Variants in DDX5 observed in about 807,000 individuals in gnomAD.
DDX5 encodes the protein DEAD-box helicase 5.
DDX5 carries 6 observed loss-of-function variants against 68.6 expected under a neutral mutation model. The observed-to-expected ratio is 0.09, with a 90% CI of 0.05 to 0.17. The LOEUF (loss-of-function observed/expected upper bound fraction) is 0.17, where lower values mean the gene tolerates loss of function less well. Ranked by LOEUF, DDX5 falls within the 10% of genes least tolerant of loss-of-function variation. The probability of loss-of-function intolerance (pLI) is 1.00; values close to 1 mark genes in which losing one functional copy is unlikely to be tolerated. For synonymous variants in DDX5, 350 were observed against 247.0 expected (o/e 1.42, Z -3.91); for missense variants, 499 against 756.1 (o/e 0.66, Z 3.99).
At chr17:64,501,855 C>T in intron 11 of DDX5, 155 bp downstream of exon 11, 4 of 703,592 alleles carry the variant, frequency 5.7e-6, no homozygotes, top group South Asian at 5.6e-5. Flanking sequence ...TCGAGTCCTC[C>T]GATTGTCATG....
In DDX5 at chr17:64,499,678, CA is replaced by C. The variant is rs2038246679; in HGVS notation, c.*244del. ...TGCATTGCCTTCATTTATTGTATTT[CA>C]AATCACTGTACATTTACTTTTGTGA... On this transcript the variant is annotated 3_prime_UTR_variant, in exon 13 of 13. Transcript: ENST00000225792. The C allele has an allele frequency of 2.6e-6, 1 of 389,950 alleles. No individual in the cohort carries two copies. The highest frequency in any genetic ancestry group is 2.1e-5 in the African/African-American group (1 of 48,664). The allele number at this position is 389,950 out of a possible 1,614,324, so 24.2% of individuals were successfully genotyped here.
Position 64,499,910 on chromosome 17 carries a change from T to C in DDX5, c.*13A>G, listed in dbSNP as rs782492823. 5 of 1,553,526 alleles carry C rather than the reference T, an allele frequency of 3.2e-6. No individual in the cohort carries two copies. The highest frequency in any genetic ancestry group is 4.4e-6 in the Non-Finnish European group (5 of 1,149,118). ...ATTATGAAAAACAGACATTTACATATACTTCTAAAGTCTTATTGGGAATAT... is the reference window on the plus strand; with the variant it reads ...ATTATGAAAAACAGACATTTACATACACTTCTAAAGTCTTATTGGGAATAT... On this transcript the variant is annotated 3_prime_UTR_variant, in exon 13 of 13. Coordinates refer to ENST00000225792, the MANE Select transcript of DDX5 (RefSeq NM_004396.5).
chr17:64,501,734 C>T (rs782145583), intron 11 of DDX5: 11 of 493,400 alleles, frequency 2.2e-5, no homozygotes, highest in Admixed American at 2.1e-4. Flanking sequence ...GAACAGTTTA[C>T]GGGGCAGAGG....
At chr17:64,500,367 G>A in intron 12 of DDX5, 41 bp from the exon 13 acceptor site, 2 of 1,570,980 alleles carry the variant, frequency 1.3e-6, no homozygotes, top group Non-Finnish European at 1.7e-6. Context: ...TTATGTCTAT[G>A]ACACAAATCA....
At chr17:64,504,995 T>TCCTTCC (rs200661700) in intron 1 of DDX5, 153 bp from the exon 2 acceptor site, 6 of 615,792 alleles carry the variant, frequency 9.7e-6, no homozygotes, top group Non-Finnish European at 1.3e-5. Context: ...TCTCTCTCTC[T>TCCTTCC]CAACAGCCAC....
intron 10 of DDX5, 45 bp downstream of exon 10, chr17:64,502,117 G>A (rs377434810): frequency 2.0e-4 from 330 of 1,613,436 alleles, no homozygotes; most frequent in Admixed American, 3.3e-4. Flanking sequence ...CAGAATTCTA[G>A]CTAGGTTAAG....
At chr17:64,506,581 C>G, upstream of DDX5, 1 of 413,692 alleles carries the variant, frequency 2.4e-6, no homozygotes, top group Non-Finnish European at 4.4e-6. Context: ...CCCGCCCACC[C>G]TCGCCACTCG....
chr17:64,499,546 CAAAAAA>C lies in DDX5; in HGVS notation c.*371_*376del, dbSNP rs77689435. 1 of 200,822 alleles carries C rather than the reference CAAAAAA, an allele frequency of 5.0e-6. No homozygotes were observed. The highest frequency in any genetic ancestry group is 2.4e-5 in the African/African-American group (1 of 42,044). The allele number at this position is 200,822 out of a possible 1,614,324, so 12.4% of individuals were successfully genotyped here. On this transcript the variant is annotated 3_prime_UTR_variant, in exon 13 of 13. Coordinates refer to ENST00000225792, the MANE Select transcript of DDX5 (RefSeq NM_004396.5). Reference sequence around the variant, plus strand: ...ATGGAAAAAAAAAACCAAACAAAAACAAAAAAAAAACCAGACCATCTTAAGCAAAGT... The same window carrying C: ...ATGGAAAAAAAAAACCAAACAAAAACAAAACCAGACCATCTTAAGCAAAGT...
In DDX5 at chr17:64,500,238, G is replaced by A. The variant is rs2144247751; in HGVS notation, c.1530C>T (p.Asp510=). 6.2e-7 allele frequency: 1 copy of A among 1,614,086 alleles called. No individual in the cohort carries two copies. Among genetic ancestry groups the A allele is most frequent in the Non-Finnish European group, 8.5e-7 (1 of 1,180,012 alleles). ...AGTAACCTCTGTCATAATTTTCCCT[G>A]TCTCTAAAGGTATTAAATCCACCCC... is the stretch of plus-strand genomic sequence containing the variant. ...GKRGGFNTFR[D]RENYDRGYSS... Residue 510 remains aspartate (D), a synonymous_variant, in exon 13 of 13, where the codon GAC becomes GAT. Coordinates refer to ENST00000225792, the MANE Select transcript of DDX5 (RefSeq NM_004396.5).
chr17:64,504,191 CGG>C (rs782649475), intron 3 of DDX5, 29 bp downstream of exon 3: 1 of 1,612,294 alleles, frequency 6.2e-7, no homozygotes, highest in East Asian at 2.2e-5. Flanking sequence ...AACAAAAACA[CGG>C]GTAGGTAGAA....
rs1555671770 is a variant in DDX5 at position 64,504,650 on chromosome 17, C to T, written c.210+27G>A. 6 of 1,583,248 alleles carry T rather than the reference C, an allele frequency of 3.8e-6. No homozygotes were observed. In the Admixed American group the frequency reaches 9.6e-5, roughly 25 times the overall value. ...CTAGAATCCACGATCGAGTTACAGC[C>T]TGATGAAGCCACATGAATTTACTCA... is the stretch of plus-strand genomic sequence containing the variant. On this transcript the variant is annotated intron_variant, in intron 2 of 12. Coordinates refer to ENST00000225792, the MANE Select transcript of DDX5 (RefSeq NM_004396.5).
chr17:64,501,907 A>C, intron 11 of DDX5, 103 bp downstream of exon 11: 3 of 1,256,042 alleles, frequency 2.4e-6, no homozygotes, highest in Non-Finnish European at 3.4e-6. Context: ...TGTGAAAAAA[A>C]ACTTAGAAAA....
chr17:64,502,828 C>G (rs1480472041), intron 8 of DDX5, 98 bp downstream of exon 8: 5 of 1,237,396 alleles, frequency 4.0e-6, no homozygotes, highest in South Asian at 3.1e-5. Context: ...TGAAATCACA[C>G]CAACTGAAAT....
intron 1 of DDX5, chr17:64,505,696 C>A (rs1555672189): frequency 6.6e-7 from 1 of 1,521,054 alleles, no homozygotes; most frequent in Admixed American, 2.0e-5. Context: ...GGTCCCCTCG[C>A]TCCCACAGAA....
chr17:64,503,384 A>G (rs2038345761), intron 6 of DDX5, 36 bp from the exon 7 acceptor site: 1 of 1,614,024 alleles, frequency 6.2e-7, no homozygotes. Flanking sequence ...TACAATACCT[A>G]GGATATTTAG....
chr17:64,500,821 ACAC>A, intron 11 of DDX5, 48 bp from the exon 12 acceptor site: 1 of 1,369,012 alleles, frequency 7.3e-7, no homozygotes, highest in Non-Finnish European at 1.0e-6. Context: ...GGAGTTTTGC[ACAC>A]CACAACAGCC....
intron 2 of DDX5, 165 bp from the exon 3 acceptor site, chr17:64,504,483 G>A: frequency 3.3e-6 from 3 of 909,640 alleles, no homozygotes; most frequent in Non-Finnish European, 4.9e-6. Flanking sequence ...AAAATTTATT[G>A]TTATACTCAA....
At position 64,498,711 on chromosome 17, in the gene DDX5, CG is replaced by C. The variant is rs1268613466; in HGVS notation, c.*1211del. The stretch of plus-strand genomic sequence containing the variant: ...ACCTCTCTTCTGGCAAAAAAAAACA[CG>C]TATCAGACTCTGGGAAAACATTCAG... On this transcript the variant is annotated 3_prime_UTR_variant, in exon 13 of 13. Coordinates refer to ENST00000225792, the MANE Select transcript of DDX5 (RefSeq NM_004396.5). Among the ~76,000 whole-genome samples the C allele has an allele frequency of 1.3e-4, 19 of 151,968 alleles. No homozygotes were observed. In the East Asian group the frequency reaches 3.3e-3, roughly 26 times the overall value.
rs1223434379 is a variant in DDX5 at position 64,506,121 on chromosome 17, G to C, written c.-2C>G. ...TCGGTCACTCGAATAACCCGACATGGCGTCAATGGTTGCGGTTGGCGGGGA... is the reference window on the plus strand; with the variant it reads ...TCGGTCACTCGAATAACCCGACATGCCGTCAATGGTTGCGGTTGGCGGGGA... On this transcript the variant is annotated 5_prime_UTR_variant, in exon 1 of 13. Transcript: ENST00000225792. The C allele has an allele frequency of 3.7e-6, 6 of 1,611,206 alleles. No individual in the cohort carries two copies. The Admixed American group carries it at 1.0e-4, about 27-fold the overall frequency.
Sources: gnomAD v4.1 joint callset for allele counts (sites outside exome capture counted in the v4.1 genomes callset) on GRCh38, gnomAD v4.1.1 for gene constraint, MANE v1.5 for transcripts, NCBI Gene and HGNC (gene_info 2026-07-23, HGNC 2026-07-21) for gene names.